Variants in SLC39A6 observed in about 807,000 individuals in gnomAD.
SLC39A6 encodes the protein solute carrier family 39 member 6.
A neutral mutation model predicts 63.5 loss-of-function variants in SLC39A6; 51 were observed. That is an observed-to-expected ratio of 0.80 (90% CI 0.64 to 1.01). SLC39A6 has a LOEUF of 1.01. SLC39A6 is among the 50% of genes least tolerant of loss of function. The pLI is 0.00. For missense variants in SLC39A6, 805 were observed against 927.8 expected (o/e 0.87, Z 1.72); for synonymous variants, 318 against 324.7 (o/e 0.98, Z 0.22).
chr18:36,124,131 A>G (rs1340822943), intron 3 of SLC39A6, among the ~76,000 whole-genome samples: 1 of 152,170 alleles, frequency 6.6e-6, no homozygotes, highest in African/African-American at 2.4e-5. Context: ...CTTTTGAGCA[A>G]TGAGACCCTA....
intron 1 of SLC39A6, among the ~76,000 whole-genome samples, chr18:36,128,365 T>C (rs2089466625): frequency 6.6e-6 from 1 of 152,126 alleles, no homozygotes. Context: ...CATTACCTTA[T>C]CTAAAATACC....
chr18:36,124,584 A>T lies in SLC39A6; in HGVS notation c.906T>A (p.Ser302=). The T allele has an allele frequency of 6.3e-7, 1 of 1,590,294 alleles. No individual in the cohort carries two copies. The highest frequency in any genetic ancestry group is 8.6e-7 in the Non-Finnish European group (1 of 1,161,146). The change falls in exon 3 of 10, where the codon TCT becomes TCA. Residue 302 remains serine, a synonymous_variant. Transcript: ENST00000269187. Reference sequence around the variant, plus strand: ...TCTTTTCACTTGTATGAATCAGACAAGATCTAGCATCAATTTGGTTGATGA... The same window carrying T: ...TCTTTTCACTTGTATGAATCAGACATGATCTAGCATCAATTTGGTTGATGA... ...PAIINQIDAR[S]CLIHTSEKKA...
chr18:36,109,372 A>C lies in SLC39A6; in HGVS notation c.*221T>G. On this transcript the variant is annotated 3_prime_UTR_variant, in exon 10 of 10. Transcript: ENST00000269187. ...TCTCTTGTTTACATAATAAACTGGT[A>C]ATACCGGTGAATTGCACATACAGAT... 2.8e-6 allele frequency: 1 copy of C among 358,688 alleles called. No homozygotes were observed. Among genetic ancestry groups the C allele is most frequent in the Non-Finnish European group, 5.0e-6 (1 of 198,954 alleles). The allele number at this position is 358,688 out of a possible 1,614,324, so 22.2% of individuals were successfully genotyped here.
intron 3 of SLC39A6, among the ~76,000 whole-genome samples, chr18:36,124,285 C>T (rs893410646): frequency 1.3e-5 from 2 of 149,598 alleles, no homozygotes; most frequent in Non-Finnish European, 3.0e-5. Flanking sequence ...GATCCTGACA[C>T]CTTCTTGTAG....
At chr18:36,110,685 C>T (rs1304357040) in intron 9 of SLC39A6, among the ~76,000 whole-genome samples, 5 of 152,074 alleles carry the variant, frequency 3.3e-5, no homozygotes. Flanking sequence ...ACTACAGGCG[C>T]ATGCCACCAA....
intron 1 of SLC39A6, among the ~76,000 whole-genome samples, chr18:36,127,890 G>A (rs2089453640): frequency 6.6e-6 from 1 of 150,916 alleles, no homozygotes; most frequent in Admixed American, 6.6e-5. Flanking sequence ...TGGGATTACA[G>A]GCGTGACCAC....
chr18:36,126,552 A>G lies in SLC39A6; in HGVS notation c.456T>C (p.Asp152=). The G allele has an allele frequency of 2.3e-5, 37 of 1,614,214 alleles. No homozygotes were observed. Among genetic ancestry groups the G allele is most frequent in the Non-Finnish European group, 2.9e-5 (34 of 1,180,022 alleles). ...RKALCPDHDS[D]SSGKDPRNSQ... is the part of the protein sequence containing the mutation. ...TGTTTCTAGGATCTTTACCTGAACTATCTGAGTCATGGTCTGGGCAAAGAG... is the reference window on the plus strand; with the variant it reads ...TGTTTCTAGGATCTTTACCTGAACTGTCTGAGTCATGGTCTGGGCAAAGAG... The change falls in exon 2 of 10, where the codon GAT becomes GAC. Residue 152 remains aspartate (D), a synonymous_variant. Coordinates refer to ENST00000269187, the MANE Select transcript of SLC39A6 (RefSeq NM_012319.4).
rs1397931664 is a variant in SLC39A6 at position 36,109,731 on chromosome 18, C to A, written c.2130G>T (p.Leu710=). 3 of 1,605,888 alleles carry A rather than the reference C, an allele frequency of 1.9e-6. No homozygotes were observed. Among genetic ancestry groups the A allele is most frequent in the Non-Finnish European group, 1.7e-6 (2 of 1,177,114 alleles). The part of the protein sequence containing the change: ...VALVDMVPEM[L]HNDASDHGCS... ...ATCCATGGTCACTAGCATCATTGTG[C>A]AGCATTTCAGGTACCTTTAAAAAAA... The change falls in exon 10 of 10, where the codon CTG becomes CTT. Residue 710 remains leucine, a synonymous_variant. Transcript: ENST00000269187.
chr18:36,123,359 T>C, intron 4 of SLC39A6, 136 bp downstream of exon 4: 1 of 780,330 alleles, frequency 1.3e-6, no homozygotes, highest in South Asian at 1.9e-5. Context: ...AGCTTTCACT[T>C]ACCAAATATA....
chr18:36,116,636 A>G, intron 6 of SLC39A6, 38 bp downstream of exon 6: 76 of 1,236,242 alleles, frequency 6.1e-5, no homozygotes, highest in Non-Finnish European at 8.6e-5. Context: ...ACAGCAATGA[A>G]CTCCCTCCAG....
chr18:36,119,474 T>TA (rs1379255384), intron 5 of SLC39A6, among the ~76,000 whole-genome samples: 1 of 152,176 alleles, frequency 6.6e-6, no homozygotes, highest in Non-Finnish European at 1.5e-5. Flanking sequence ...TTCTAGTAGA[T>TA]ACTATTTTAA....
Position 36,116,687 on chromosome 18 carries a change from T to C in SLC39A6, c.1452A>G (p.Val484=), listed in dbSNP as rs1018924401. 36 of 1,606,272 alleles carry C rather than the reference T, an allele frequency of 2.2e-5. No individual in the cohort carries two copies. The Admixed American group carries it at 4.3e-4, about 19-fold the overall frequency. The change falls in exon 6 of 10, where the codon GTA becomes GTG. Residue 484 remains valine (V), a synonymous_variant. Coordinates refer to ENST00000269187, the MANE Select transcript of SLC39A6 (RefSeq NM_012319.4). The stretch of plus-strand genomic sequence containing the variant: ...ATAAGAACTTACGATCATCTGTATC[T>C]ACTTTCTCCTCATTTGTTGAAAGTT... ...ESQLSTNEEK[V]DTDDRTEGYL...
chr18:36,127,764 A>AT (rs55986208), intron 1 of SLC39A6, among the ~76,000 whole-genome samples: 134,860 of 142,498 alleles, frequency 0.95, 64,202 homozygotes, highest in South Asian at 1. Flanking sequence ...TGTATACTTA[A>AT]TTTTTTTTTT....
At chr18:36,126,075 G>C (rs187037960) in intron 2 of SLC39A6, 144 bp downstream of exon 2, 2 of 803,648 alleles carry the variant, frequency 2.5e-6, no homozygotes, top group East Asian at 4.9e-5. Flanking sequence ...TTTGTGGCAA[G>C]TGCCTTGCTG....
In SLC39A6 at chr18:36,114,284, G is replaced by A. The variant is rs368857974; in HGVS notation, c.1656C>T (p.Asp552=). ...AGTCATGATGGTGGTGAATGAGATC[G>A]TCTGACTGGCCGAGTGTATCGTGGA... ...SHFHDTLGQS[D]DLIHHHHDYH... The change falls in exon 7 of 10, where the codon GAC becomes GAT. Residue 552 remains aspartate, a synonymous_variant. Transcript: ENST00000269187. 7.7e-5 allele frequency: 124 copies of A among 1,614,188 alleles called. No individual in the cohort carries two copies. Among genetic ancestry groups the A allele is most frequent in the South Asian group, 5.7e-4 (52 of 91,082 alleles).
In SLC39A6 at chr18:36,126,787, C is replaced by G. The variant is rs751468136; in HGVS notation, c.221G>C (p.Gly74Ala). 1.0e-4 allele frequency: 169 copies of G among 1,614,050 alleles called. No homozygotes were observed. In the South Asian group the frequency reaches 1.7e-3, roughly 16 times the overall value. ...YGENNSLSVE[G>A]FRKLLQNIGI... ...TATATTTTGAAGTAATTTTCTGAAC[C>G]CTTCAACTGACAAAGAATTATTTTC... The change falls in exon 2 of 10, where the codon GGG (glycine) becomes GCG (alanine). Residue 74 changes from glycine (G) to alanine (A), a missense_variant. Gly to Ala is a moderately conservative substitution (Grantham distance 60). Transcript: ENST00000269187.
In SLC39A6 at chr18:36,122,129, G is replaced by C; in HGVS notation, c.1282C>G (p.Leu428Val). The C allele has an allele frequency of 6.2e-7, 1 of 1,613,988 alleles. No individual in the cohort carries two copies. The change falls in exon 5 of 10, where the codon CTA (leucine) becomes GTA (valine). Residue 428 changes from leucine (L) to valine (V), a missense_variant. Transcript: ENST00000269187. ...FDSTWKGLTALGGLYFMFLVE... is the reference protein window; with the variant it reads ...FDSTWKGLTAVGGLYFMFLVE... Reference sequence around the variant, plus strand: ...AGAAACATGAAATACAGGCCTCCTAGAGCTGTTAGACCCTTCCACGTGGAA... The same window carrying C: ...AGAAACATGAAATACAGGCCTCCTACAGCTGTTAGACCCTTCCACGTGGAA...
intron 4 of SLC39A6, among the ~76,000 whole-genome samples, chr18:36,123,267 G>A (rs766715863): frequency 2.6e-5 from 4 of 151,982 alleles, no homozygotes; most frequent in Non-Finnish European, 4.4e-5. Context: ...TTATTAAGTG[G>A]GTTTCAAAAA....
chr18:36,118,595 G>A (rs925659232), intron 5 of SLC39A6, among the ~76,000 whole-genome samples: 8 of 152,128 alleles, frequency 5.3e-5, no homozygotes, highest in African/African-American at 1.7e-4. Flanking sequence ...CAAGGTGGCC[G>A]GGGCCTACTA....
Sources: gnomAD v4.1 joint callset for allele counts (sites outside exome capture counted in the v4.1 genomes callset) on GRCh38, gnomAD v4.1.1 for gene constraint, MANE v1.5 for transcripts, NCBI Gene and HGNC (gene_info 2026-07-23, HGNC 2026-07-21) for gene names.